MEGF8: variants seen among roughly 807,000 people sequenced by gnomAD.
The protein encoded by MEGF8 is multiple epidermal growth factor-like domains protein 8.
MEGF8 carries 156 observed loss-of-function variants against 302.9 expected under a neutral mutation model. That is an observed-to-expected ratio of 0.52 (90% CI 0.45 to 0.59). The LOEUF (loss-of-function observed/expected upper bound fraction) is 0.59, where lower values mean the gene tolerates loss of function less well. MEGF8 is among the 20% of genes least tolerant of loss of function. The pLI is 0.00. For synonymous variants in MEGF8, 1,621 were observed against 1,660.5 expected (o/e 0.98, Z 0.58); for missense variants, 3,345 against 3,964.5 (o/e 0.84, Z 4.20).
At chr19:42,337,827 G>A (rs1391060575) in intron 8 of MEGF8, among the ~76,000 whole-genome samples, 1 of 147,694 alleles carries the variant, frequency 6.8e-6, no homozygotes, top group Non-Finnish European at 1.5e-5. Context: ...TTTTTGAGAG[G>A]GAGTCTCGCT....
At position 42,362,516 on chromosome 19, in the gene MEGF8, G is replaced by A. The variant is rs1206428605; in HGVS notation, c.5977G>A (p.Glu1993Lys). 3 of 1,613,692 alleles carry A rather than the reference G, an allele frequency of 1.9e-6. No homozygotes were observed. Among genetic ancestry groups the A allele is most frequent in the East Asian group, 2.2e-5 (1 of 44,906 alleles). Residue 1993 changes from glutamate (E) to lysine (K), a missense_variant, in exon 34 of 42, where the codon GAG becomes AAG. By Grantham distance (56) the Glu-to-Lys change is moderately conservative. Coordinates refer to ENST00000251268, the MANE Select transcript of MEGF8 (RefSeq NM_001271938.2). ...GGTCTTCTGGGCAGGGAACTGCTCC[G>A]AGGCTGCGTGCGGGGCTGCTGACTG... ...REVFWAGNCS[E>K]AACGAADCEQ...
rs776435405 is a variant in MEGF8, at chr19:42,376,210, G to T, written c.7973G>T (p.Cys2658Phe). The change falls in exon 42 of 42, where the codon TGC becomes TTC. Residue 2658 changes from cysteine (C) to phenylalanine (F), a missense_variant. Coordinates refer to ENST00000251268, the MANE Select transcript of MEGF8 (RefSeq NM_001271938.2). The surrounding 1 kb of genome is among the most constrained non-coding windows in gnomAD (Gnocchi z 8.2). ...GTCTTCTTCTCCGTCTTCTTCTCCT[G>T]CTTCTTCCTCTTCCTCTCACTCTGT... is the stretch of plus-strand genomic sequence containing the variant. ...LFVFFSVFFS[C>F]FFLFLSLCVL... The T allele has an allele frequency of 6.2e-6, 10 of 1,604,186 alleles. No individual in the cohort carries two copies. Among genetic ancestry groups the T allele is most frequent in the Non-Finnish European group, 7.7e-6 (9 of 1,175,574 alleles).
chr19:42,346,808 C>T (rs912107432), intron 12 of MEGF8, among the ~76,000 whole-genome samples: 1 of 151,852 alleles, frequency 6.6e-6, no homozygotes, highest in East Asian at 1.9e-4. Flanking sequence ...CACAGTGAAG[C>T]CCTGTCTCTA....
rs191539145 is a variant in MEGF8 at position 42,348,340 on chromosome 19, C to T, written c.2166C>T (p.Tyr722=). The T allele has an allele frequency of 4.0e-4, 609 of 1,537,498 alleles. 2 individuals are homozygous for T. The African/African-American group carries it at 7.5e-3, about 19-fold the overall frequency. Residue 722 remains tyrosine, a synonymous_variant, in exon 13 of 42, where the codon TAC becomes TAT. Coordinates refer to ENST00000251268, the MANE Select transcript of MEGF8 (RefSeq NM_001271938.2). ...PSAETDVSLV[Y]RGFIYPMLPG... ...CAGAGACAGATGTGTCCCTGGTCTA[C>T]CGTGGCTTCATCTACCCAATGCTGC...
rs2039418077 is a variant in MEGF8, at chr19:42,354,121, T to G, written c.4011+97T>G. 7.2e-7 allele frequency: 1 copy of G among 1,391,592 alleles called. No homozygotes were observed. The highest frequency in any genetic ancestry group is 1.5e-5 in the African/African-American group (1 of 68,344). 86.2% of individuals were successfully genotyped at this position (1,391,592 alleles called of 1,614,324 possible). A position where few individuals can be genotyped will look rare whatever the true frequency, so the allele number is the denominator to read the frequency against. On this transcript the variant is annotated intron_variant, in intron 22 of 41. Transcript: ENST00000251268. This position sits in a 1 kb window ranked among gnomAD's most constrained non-coding sequence, Gnocchi z 4.3. Reference sequence around the variant, plus strand: ...AGACCCTGACCCTAGTATTGCTGTTTTTTTTTTTTTGTTTTTTTAATCCTT... The same window carrying G: ...AGACCCTGACCCTAGTATTGCTGTTGTTTTTTTTTTGTTTTTTTAATCCTT...
rs191695106 is a variant in MEGF8, at chr19:42,329,562, A to G, written c.187+3132A>G. ...TAAGAACCAACATCTTCCTCTATCT[A>G]TTATAAAATAAACAACCAGCCAGGG... On this transcript the variant is annotated intron_variant, in intron 1 of 41. Coordinates refer to ENST00000251268, the MANE Select transcript of MEGF8 (RefSeq NM_001271938.2). Among the ~76,000 whole-genome samples, 64 of 152,294 alleles carry G rather than the reference A, an allele frequency of 4.2e-4. No individual in the cohort carries two copies. In the East Asian group the frequency reaches 0.012, roughly 29 times the overall value.
chr19:42,371,651 C>T (rs1356040102), intron 41 of MEGF8, among the ~76,000 whole-genome samples, 169 bp downstream of exon 41: 1 of 152,164 alleles, frequency 6.6e-6, no homozygotes, highest in Non-Finnish European at 1.5e-5. Context: ...CAGTTACAGG[C>T]CCTAGGCAGT....
intron 1 of MEGF8, among the ~76,000 whole-genome samples, chr19:42,327,986 T>G (rs1202896517): frequency 6.6e-6 from 1 of 152,210 alleles, no homozygotes; most frequent in African/African-American, 2.4e-5. Context: ...TCCCAGCTTC[T>G]CAGGAGGCTG....
At chr19:42,360,665 C>T in intron 31 of MEGF8, 110 bp from the exon 32 acceptor site, 1 of 1,510,026 alleles carries the variant, frequency 6.6e-7, no homozygotes, top group Non-Finnish European at 8.8e-7. Flanking sequence ...TGTCCTTTGA[C>T]CCTGTGTTTC....
chr19:42,375,941 G>A lies in MEGF8; in HGVS notation c.7704G>A (p.Glu2568=). The A allele has an allele frequency of 6.2e-7, 1 of 1,604,450 alleles. No homozygotes were observed. The change falls in exon 42 of 42, where the codon GAG becomes GAA. Residue 2568 remains glutamate (E), a synonymous_variant. Transcript: ENST00000251268. The surrounding 1 kb of genome is among the most constrained non-coding windows in gnomAD (Gnocchi z 7.1). ...CCCCAGCAGAGCCACGGGTACGGGA[G>A]GTATGGCCGCGGGGCCTGATTACCT... ...PGAPAEPRVR[E]VWPRGLITYV... is the part of the protein sequence containing the mutation.
Position 42,344,599 on chromosome 19 carries a change from G to T in MEGF8, c.1933+14G>T. On this transcript the variant is annotated intron_variant, in intron 11 of 41. Coordinates refer to ENST00000251268, the MANE Select transcript of MEGF8 (RefSeq NM_001271938.2). This position sits in a 1 kb window ranked among gnomAD's most constrained non-coding sequence, Gnocchi z 4.5. ...TCCCTAGGCCTGGTGAGTGTCCGCA[G>T]CAGTGGGCCGGCAGGAGGGGGCCAG... The T allele has an allele frequency of 6.3e-7, 1 of 1,583,876 alleles. No individual in the cohort carries two copies.
rs550708217 is a variant in MEGF8, at chr19:42,337,511, T to C, written c.1513+305T>C. Among the ~76,000 whole-genome samples, 68 of 148,992 alleles carry C rather than the reference T, an allele frequency of 4.6e-4. 1 individual carries two copies. Among genetic ancestry groups the C allele is most frequent in the East Asian group, 1.9e-3 (10 of 5,140 alleles). On this transcript the variant is annotated intron_variant, in intron 8 of 41. Coordinates refer to ENST00000251268, the MANE Select transcript of MEGF8 (RefSeq NM_001271938.2). Reference sequence around the variant, plus strand: ...TTTTAACTTTCTTTTCTTTTCTTTTTTTTTTTTTTTTTTTGAGACGGAGTC... The same window carrying C: ...TTTTAACTTTCTTTTCTTTTCTTTTCTTTTTTTTTTTTTTGAGACGGAGTC...
chr19:42,357,063 A>G lies in MEGF8; in HGVS notation c.4830+82A>G. On this transcript the variant is annotated intron_variant, in intron 27 of 41. Coordinates refer to ENST00000251268, the MANE Select transcript of MEGF8 (RefSeq NM_001271938.2). The surrounding 1 kb of genome is among the most constrained non-coding windows in gnomAD (Gnocchi z 5.2). The stretch of plus-strand genomic sequence containing the variant: ...AGCTGTGGTAGCTCCTGCCAGCTCC[A>G]TCCCCAGAGGAAACAGAAGCCCCAA... 1 of 1,363,176 alleles carries G rather than the reference A, an allele frequency of 7.3e-7. No individual in the cohort carries two copies. Among genetic ancestry groups the G allele is most frequent in the Non-Finnish European group, 9.9e-7 (1 of 1,011,098 alleles). The allele number at this position is 1,363,176 out of a possible 1,614,324, so 84.4% of individuals were successfully genotyped here.
rs754972626 is a variant in MEGF8 at position 42,355,890 on chromosome 19, G to C, written c.4277G>C (p.Gly1426Ala). The C allele has an allele frequency of 1.9e-6, 3 of 1,582,932 alleles. No individual in the cohort carries two copies. The highest frequency in any genetic ancestry group is 1.1e-5 in the South Asian group (1 of 87,102). The change falls in exon 24 of 42, where the codon GGT (glycine) becomes GCT (alanine). Residue 1426 changes from glycine to alanine, a missense_variant. Transcript: ENST00000251268. Reference protein sequence around the residue: ...PVPQECVPQDGAAGAGLCRCP... With the variant: ...PVPQECVPQDAAAGAGLCRCP... ...CCCCAGGAATGCGTGCCCCAGGACG[G>C]TGCTGCAGGTGCGGGGCTCTGCCGA... is the stretch of plus-strand genomic sequence containing the variant.
chr19:42,370,749 G>C lies in MEGF8; in HGVS notation c.7054G>C (p.Val2352Leu). 6.3e-7 allele frequency: 1 copy of C among 1,581,860 alleles called. No homozygotes were observed. Residue 2352 changes from valine to leucine, a missense_variant, in exon 40 of 42, where the codon GTG becomes CTG. Val to Leu is a conservative substitution (Grantham distance 32). Coordinates refer to ENST00000251268, the MANE Select transcript of MEGF8 (RefSeq NM_001271938.2). ...EGPSEDEAVC[V>L]NCQNNSYGEK... is the part of the protein sequence containing the mutation. ...TCCTAGTGAAGACGAGGCCGTGTGC[G>C]TGAACTGCCAGAATAACAGCTATGG...
At position 42,360,819 on chromosome 19, in the gene MEGF8, G is replaced by T; in HGVS notation, c.5533G>T (p.Ala1845Ser). 6.2e-7 allele frequency: 1 copy of T among 1,606,362 alleles called. No individual in the cohort carries two copies. Residue 1845 changes from alanine (A) to serine (S), a missense_variant, in exon 32 of 42, where the codon GCT becomes TCT. Transcript: ENST00000251268. The part of the protein sequence containing the change: ...GPPMEESVAH[A>S]VAAVGSRLYI... ...CCCAATGGAGGAGTCTGTGGCCCAT[G>T]CTGTGGCAGCAGTCGGGAGCCGCCT...
chr19:42,356,028 C>T lies in MEGF8; in HGVS notation c.4392+23C>T. 6.2e-7 allele frequency: 1 copy of T among 1,606,176 alleles called. No homozygotes were observed. The highest frequency in any genetic ancestry group is 1.1e-5 in the South Asian group (1 of 90,498). On this transcript the variant is annotated intron_variant, in intron 24 of 41. Transcript: ENST00000251268. The surrounding 1 kb of genome is among the most constrained non-coding windows in gnomAD (Gnocchi z 5.2). ...CAGGTACAGGTGGGAGAGGGCAAGTCTGGTGGGACAGGGCTGGTGATCAGG... is the reference window on the plus strand; with the variant it reads ...CAGGTACAGGTGGGAGAGGGCAAGTTTGGTGGGACAGGGCTGGTGATCAGG...
rs947580134 is a variant in MEGF8 at position 42,335,147 on chromosome 19, C to G, written c.671C>G (p.Ala224Gly). The change falls in exon 4 of 42, where the codon GCC (alanine) becomes GGC (glycine). Residue 224 changes from alanine to glycine, a missense_variant. By Grantham distance (60) the Ala-to-Gly change is moderately conservative. Coordinates refer to ENST00000251268, the MANE Select transcript of MEGF8 (RefSeq NM_001271938.2). ...WWHNVSARDP[A>G]FSARIGAAGA... ...CACAACGTGAGTGCCAGGGACCCTG[C>G]CTTCTCTGCCCGTATTGGGGCAGCT... 3.1e-6 allele frequency: 5 copies of G among 1,613,846 alleles called. No homozygotes were observed. The highest frequency in any genetic ancestry group is 3.3e-5 in the Admixed American group (2 of 59,990).
Position 42,356,867 on chromosome 19 carries a change from A to T in MEGF8, c.4716A>T (p.Ala1572=), listed in dbSNP as rs1010477156. The T allele has an allele frequency of 3.1e-6, 5 of 1,593,252 alleles. No homozygotes were observed. In the South Asian group the frequency reaches 5.7e-5, roughly 18 times the overall value. ...CGCCCCGCTCCTTCCATGCAGCCGC[A>T]TATGTGCCCGCTGGCCGTGGTGCCA... ...GPSPRSFHAA[A]YVPAGRGAMY... is the part of the protein sequence containing the mutation. The change falls in exon 27 of 42, where the codon GCA becomes GCT. Residue 1572 remains alanine, a synonymous_variant. Transcript: ENST00000251268. This position sits in a 1 kb window ranked among gnomAD's most constrained non-coding sequence, Gnocchi z 5.2.
Sources: gnomAD v4.1 joint callset for allele counts (sites outside exome capture counted in the v4.1 genomes callset) on GRCh38, gnomAD v4.1.1 for gene constraint, Gnocchi (gnomAD v3.1) non-coding constraint, MANE v1.5 for transcripts, NCBI Gene and HGNC (gene_info 2026-07-23, HGNC 2026-07-21) for gene names.